Variants in ADAMTS1 observed in about 807,000 individuals in gnomAD.
ADAMTS1 encodes ADAM metallopeptidase with thrombospondin type 1 motif 1.
ADAMTS1 carries 19 observed loss-of-function variants against 87.9 expected under a neutral mutation model. The ratio of observed to expected loss-of-function variants is 0.22; its 90% confidence interval spans 0.15 to 0.32. The LOEUF (loss-of-function observed/expected upper bound fraction) is 0.32. ADAMTS1 is among the 10% of genes least tolerant of loss of function. The pLI, the probability that ADAMTS1 is intolerant of heterozygous loss-of-function variation, is 1.00. For missense variants in ADAMTS1, 1,240 were observed against 1,259.1 expected (o/e 0.98, Z 0.23); for synonymous variants, 542 against 501.8 (o/e 1.08, Z -1.07).
chr21:26,838,332 T>C, intron 8 of ADAMTS1, 54 bp from the exon 9 acceptor site: 1 of 1,565,236 alleles, frequency 6.4e-7, no homozygotes, highest in East Asian at 2.2e-5. Flanking sequence ...AATTAGATTA[T>C]TTAGCTTAAA....
chr21:26,838,056 T>C lies in ADAMTS1; in HGVS notation c.2427A>G (p.Glu809=). 6.2e-7 allele frequency: 1 copy of C among 1,614,208 alleles called. No individual in the cohort carries two copies. Among genetic ancestry groups the C allele is most frequent in the South Asian group, 1.1e-5 (1 of 91,084 alleles). The change falls in exon 9 of 9, where the codon GAA becomes GAG. Residue 809 remains glutamate (E), a synonymous_variant. Coordinates refer to ENST00000284984, the MANE Select transcript of ADAMTS1 (RefSeq NM_006988.5). ...TGAGAGGGCTAAAGCTGCGAATTCT[T>C]TCCAATGCCGCAGAGGAGCCGCTGT... ...LRYSGSSAAL[E]RIRSFSPLKE...
At position 26,844,353 on chromosome 21, in the gene ADAMTS1, A is replaced by C; in HGVS notation, c.602T>G (p.Val201Gly). The C allele has an allele frequency of 6.3e-7, 1 of 1,599,520 alleles. No individual in the cohort carries two copies. The highest frequency in any genetic ancestry group is 8.5e-7 in the Non-Finnish European group (1 of 1,175,612). ...QGDVGGTCGV[V>G]DDEPRPTGKA... ...CCCAGTCGGCCGGGGCTCGTCGTCC[A>C]CGACCCCGCACGTGCCGCCGACGTC... The change falls in exon 1 of 9, where the codon GTG becomes GGG. Residue 201 changes from valine to glycine, a missense_variant. Val to Gly is a moderately radical substitution (Grantham distance 109). This residue lies in a region of ADAMTS1 where 521 missense variants were observed against 449.7 expected (regional missense o/e 1.16). Transcript: ENST00000284984.
rs1429919391 is a variant in ADAMTS1, at chr21:26,838,524, A to G, written c.2119T>C (p.Ser707Pro). 1.9e-6 allele frequency: 3 copies of G among 1,614,162 alleles called. No individual in the cohort carries two copies. The highest frequency in any genetic ancestry group is 2.2e-5 in the East Asian group (1 of 44,876). Residue 707 changes from serine (S) to proline (P), a missense_variant, in exon 8 of 9, where the codon TCC (serine) becomes CCC (proline). Ser to Pro is a moderately conservative substitution (Grantham distance 74). Around this residue, in one of 3 missense-constraint regions of ADAMTS1, gnomAD observed 402 missense variants for 399.1 expected, o/e 1.01. Transcript: ENST00000284984. ...VKAGCDRIID[S>P]KKKFDKCGVC... ...CCACATTTATCAAACTTCTTTTTGG[A>G]GTCTATGATGCGATCACAACCAGCT...
chr21:26,844,943 A>G lies in ADAMTS1; in HGVS notation c.12T>C (p.Ala4=). 6.6e-7 allele frequency: 1 copy of G among 1,506,594 alleles called. No individual in the cohort carries two copies. The highest frequency in any genetic ancestry group is 8.8e-7 in the Non-Finnish European group (1 of 1,130,046). 93.3% of individuals were successfully genotyped at this position (1,506,594 alleles called of 1,614,324 possible). The change falls in exon 1 of 9, where the codon GCT becomes GCC. Residue 4 remains alanine (A), a synonymous_variant. Coordinates refer to ENST00000284984, the MANE Select transcript of ADAMTS1 (RefSeq NM_006988.5). ...TGCGCCTTCCGAACCCCTCGGGCAC[A>G]GCTCGCTGCATTGGAGCCCCAGGAG... MQR[A]VPEGFGRRKL... is the part of the protein sequence containing the mutation.
At chr21:26,838,943 A>G (rs76934490) in intron 7 of ADAMTS1, 3,564 of 211,170 alleles carry the variant, frequency 0.017, 117 homozygotes, top group African/African-American at 0.076. Flanking sequence ...GGCAAGAGTA[A>G]GTGCTTCAGA....
At chr21:26,839,812 C>T in intron 6 of ADAMTS1, 50 bp from the exon 7 acceptor site, 1 of 1,603,456 alleles carries the variant, frequency 6.2e-7, no homozygotes, top group Middle Eastern at 1.7e-4. Context: ...TCTTGAGCCA[C>T]CTGTTTGTGG....
At position 26,841,160 on chromosome 21, in the gene ADAMTS1, C is replaced by A. The variant is rs373966181; in HGVS notation, c.1216G>T (p.Val406Leu). 3 of 1,613,994 alleles carry A rather than the reference C, an allele frequency of 1.9e-6. No individual in the cohort carries two copies. Among genetic ancestry groups the A allele is most frequent in the Non-Finnish European group, 8.5e-7 (1 of 1,179,946 alleles). ...AFTTAHELGHVFNMPHDDAKQ... is the reference protein window; with the variant it reads ...AFTTAHELGHLFNMPHDDAKQ... ...GCATCATCATGTGGCATGTTAAACA[C>A]GTGGCCTAGGAAGCAATCCAGAACC... The change falls in exon 4 of 9, where the codon GTG (valine) becomes TTG (leucine). Residue 406 changes from valine to leucine, a missense_variant. By Grantham distance (32) the Val-to-Leu change is conservative. This residue lies in a region of ADAMTS1 where 317 missense variants were observed against 410.3 expected (regional missense o/e 0.77). Coordinates refer to ENST00000284984, the MANE Select transcript of ADAMTS1 (RefSeq NM_006988.5).
chr21:26,844,377 T>TCGCCCTGCCGATTCCGC lies in ADAMTS1; in HGVS notation c.561_577dup (p.Asp193GlyfsTer53). 6.3e-7 allele frequency: 1 copy of TCGCCCTGCCGATTCCGC among 1,590,872 alleles called. No homozygotes were observed. The highest frequency in any genetic ancestry group is 8.5e-7 in the Non-Finnish European group (1 of 1,171,642). ...CACGACCCCGCACGTGCCGCCGACG[T>TCGCCCTGCCGATTCCGC]CGCCCTGCCGATTCCGCCGCAGGAG... On this transcript the variant is annotated frameshift_variant, in exon 1 of 9. Transcript: ENST00000284984. LOFTEE classifies it high-confidence loss of function.
At position 26,835,991 on chromosome 21, in the gene ADAMTS1, A is replaced by G. The variant is rs913910538; in HGVS notation, c.*1588T>C. 1.3e-5 allele frequency: 2 copies of G among 152,236 alleles called. No homozygotes were observed. Among genetic ancestry groups the G allele is most frequent in the Non-Finnish European group, 2.9e-5 (2 of 68,048 alleles). 9.4% of individuals were successfully genotyped at this position (152,236 alleles called of 1,614,324 possible). A position where few individuals can be genotyped will look rare whatever the true frequency, so the allele number is the denominator to read the frequency against. On this transcript the variant is annotated 3_prime_UTR_variant, in exon 9 of 9. Coordinates refer to ENST00000284984, the MANE Select transcript of ADAMTS1 (RefSeq NM_006988.5). Reference sequence around the variant, plus strand: ...AGGATTGACAAAGTTGCAAATATTTACCATTTGGCTTTTTACAAAAGAAGT... The same window carrying G: ...AGGATTGACAAAGTTGCAAATATTTGCCATTTGGCTTTTTACAAAAGAAGT...
chr21:26,837,851 G>A lies in ADAMTS1; in HGVS notation c.2632C>T (p.Leu878=). ...CCATTAATGTCTCGGCATTCTACCA[G>A]TCTTCTCTGCCAACCCAATTCACAT... is the stretch of plus-strand genomic sequence containing the variant. ...KSCELGWQRR[L]VECRDINGQP... is the part of the protein sequence containing the mutation. The change falls in exon 9 of 9, where the codon CTG becomes TTG. Residue 878 remains leucine (L), a synonymous_variant. Coordinates refer to ENST00000284984, the MANE Select transcript of ADAMTS1 (RefSeq NM_006988.5). The A allele has an allele frequency of 6.2e-7, 1 of 1,614,168 alleles. No individual in the cohort carries two copies. The highest frequency in any genetic ancestry group is 8.5e-7 in the Non-Finnish European group (1 of 1,180,032).
rs933655219 is a variant in ADAMTS1 at position 26,837,436 on chromosome 21, T to TA, written c.*142dup. The TA allele has an allele frequency of 1.9e-5, 13 of 691,152 alleles. No homozygotes were observed. The highest frequency in any genetic ancestry group is 2.9e-5 in the Non-Finnish European group (12 of 413,864). The allele number at this position is 691,152 out of a possible 1,614,324, so 42.8% of individuals were successfully genotyped here. ...TACTCTGATGATTCAACTCCTTTTC[T>TA]ATCTACCCCCATAATCCCACCTTAC... On this transcript the variant is annotated 3_prime_UTR_variant, in exon 9 of 9. Transcript: ENST00000284984.
At position 26,837,959 on chromosome 21, in the gene ADAMTS1, C is replaced by T. The variant is rs372250301; in HGVS notation, c.2524G>A (p.Val842Ile). ...TTGAAAGATTCCTTCTTCTTCTTTACGAAGTAGGTGTATTTAATTTTAGGT... is the reference window on the plus strand; with the variant it reads ...TTGAAAGATTCCTTCTTCTTCTTTATGAAGTAGGTGTATTTAATTTTAGGT... ...LRPKIKYTYF[V>I]KKKKESFNAI... The change falls in exon 9 of 9, where the codon GTA becomes ATA. Residue 842 changes from valine to isoleucine, a missense_variant. Val to Ile is a conservative substitution (Grantham distance 29). This residue lies in a region of ADAMTS1 where 402 missense variants were observed against 399.1 expected (regional missense o/e 1.01). Coordinates refer to ENST00000284984, the MANE Select transcript of ADAMTS1 (RefSeq NM_006988.5). The T allele has an allele frequency of 2.2e-5, 35 of 1,614,076 alleles. No individual in the cohort carries two copies. Among genetic ancestry groups the T allele is most frequent in the Middle Eastern group, 3.3e-4 (2 of 6,084 alleles).
Position 26,839,067 on chromosome 21 carries a change from A to G in ADAMTS1, c.2029-453T>C, listed in dbSNP as rs141444071. On this transcript the variant is annotated intron_variant, in intron 7 of 8. Transcript: ENST00000284984. ...ATTCCATTTTCTGTCTCAGATCCAG[A>G]TGTATTCCCTTAGCAAAACAGCAAA... 329 of 160,718 alleles carry G rather than the reference A, an allele frequency of 2.0e-3. 7 individuals are homozygous for G. Among genetic ancestry groups the G allele is most frequent in the East Asian group, 0.014 (76 of 5,478 alleles). The allele number at this position is 160,718 out of a possible 1,614,324, so 10.0% of individuals were successfully genotyped here.
At chr21:26,842,722 T>C in intron 1 of ADAMTS1, 37 bp from the exon 2 acceptor site, 1 of 1,563,454 alleles carries the variant, frequency 6.4e-7, no homozygotes, top group Non-Finnish European at 8.7e-7. Context: ...ATGGTCAGGC[T>C]GTCCAAGAAT....
At position 26,845,320 on chromosome 21, in the gene ADAMTS1, T is replaced by A. The variant is rs1446719571; in HGVS notation, c.-366A>T. 4.7e-6 allele frequency: 1 copy of A among 214,956 alleles called. No homozygotes were observed. Among genetic ancestry groups the A allele is most frequent in the African/African-American group, 2.3e-5 (1 of 43,712 alleles). The allele number at this position is 214,956 out of a possible 1,614,324, so 13.3% of individuals were successfully genotyped here. On this transcript the variant is annotated 5_prime_UTR_variant, in exon 1 of 9. Coordinates refer to ENST00000284984, the MANE Select transcript of ADAMTS1 (RefSeq NM_006988.5). Reference sequence around the variant, plus strand: ...GCCTCCGCCTTGGCTGCGATGTTGCTCACTCTGCTCAGGGCTCTCCCCTCT... The same window carrying A: ...GCCTCCGCCTTGGCTGCGATGTTGCACACTCTGCTCAGGGCTCTCCCCTCT...
chr21:26,842,263 G>T, intron 2 of ADAMTS1, 76 bp downstream of exon 2: 1 of 1,396,174 alleles, frequency 7.2e-7, no homozygotes, highest in Non-Finnish European at 9.7e-7. Context: ...CTGGTGAAAT[G>T]CCTTGTATAT....
Position 26,836,226 on chromosome 21 carries a change from A to G in ADAMTS1, c.*1353T>C, listed in dbSNP as rs976747381. The G allele has an allele frequency of 6.6e-6, 1 of 152,206 alleles. No individual in the cohort carries two copies. Among genetic ancestry groups the G allele is most frequent in the African/African-American group, 2.4e-5 (1 of 41,456 alleles). 9.4% of individuals were successfully genotyped at this position (152,206 alleles called of 1,614,324 possible). A position where few individuals can be genotyped will look rare whatever the true frequency, so the allele number is the denominator to read the frequency against. On this transcript the variant is annotated 3_prime_UTR_variant, in exon 9 of 9. Coordinates refer to ENST00000284984, the MANE Select transcript of ADAMTS1 (RefSeq NM_006988.5). ...AAATAATTCGGTCTTCAGATTCAAT[A>G]TTTGTGCCTCAGGTTTCCTTCCTAG... is the stretch of plus-strand genomic sequence containing the variant.
chr21:26,844,993 G>A lies in ADAMTS1; in HGVS notation c.-39C>T, dbSNP rs1335706195. Reference sequence around the variant, plus strand: ...GACACCGCTCGTAGCAGCGCACGGAGCGAGGGACCTTTAGTTCGGGTCGGG... The same window carrying A: ...GACACCGCTCGTAGCAGCGCACGGAACGAGGGACCTTTAGTTCGGGTCGGG... On this transcript the variant is annotated 5_prime_UTR_variant, in exon 1 of 9. Transcript: ENST00000284984. 1.3e-6 allele frequency: 2 copies of A among 1,490,142 alleles called. No individual in the cohort carries two copies. The highest frequency in any genetic ancestry group is 2.3e-5 in the Admixed American group (1 of 43,590). The allele number at this position is 1,490,142 out of a possible 1,614,324, so 92.3% of individuals were successfully genotyped here.
At chr21:26,840,949 T>C in intron 4 of ADAMTS1, 49 bp downstream of exon 4, 1 of 1,567,934 alleles carries the variant, frequency 6.4e-7, no homozygotes. Context: ...CTAAACTTTA[T>C]GCGTGAAAGG....
Sources: gnomAD v4.1 joint callset for allele counts on GRCh38, gnomAD v4.1.1 for gene constraint, gnomAD v4.1.1 regional missense constraint, MANE v1.5 for transcripts, NCBI Gene and HGNC (gene_info 2026-07-23, HGNC 2026-07-21) for gene names.